Variants in DCLK1 observed in about 807,000 individuals in gnomAD.
DCLK1 encodes serine/threonine-protein kinase DCLK1.
A neutral mutation model predicts 86.2 loss-of-function variants in DCLK1; 16 were observed. The ratio of observed to expected loss-of-function variants is 0.19; its 90% confidence interval spans 0.13 to 0.28. The LOEUF (loss-of-function observed/expected upper bound fraction) is 0.28. Ranked by LOEUF, DCLK1 falls within the 10% of genes least tolerant of loss-of-function variation. DCLK1 has a pLI of 1.00. For synonymous variants in DCLK1, 369 were observed against 370.5 expected, an observed-to-expected ratio of 1.00 and a Z score of 0.05; for missense variants, 590 against 940.2, an observed-to-expected ratio of 0.63 and a Z score of 4.87.
intron 3 of DCLK1, among the ~76,000 whole-genome samples, chr13:36,041,431 A>C (rs80092955): frequency 0.033 from 5,003 of 152,282 alleles, 102 homozygotes; most frequent in African/African-American, 0.067. Flanking sequence ...TTTAAAATAC[A>C]GGACAATAAT....
At chr13:36,096,517 A>T (rs1184742269) in intron 3 of DCLK1, among the ~76,000 whole-genome samples, 17 of 152,214 alleles carry the variant, frequency 1.1e-4, no homozygotes, top group Admixed American at 1.1e-3. Context: ...CTTGAGAAGA[A>T]AGAAATAGGT....
intron 4 of DCLK1, among the ~76,000 whole-genome samples, chr13:35,879,694 G>A (rs1166773557): frequency 6.6e-6 from 1 of 152,154 alleles, no homozygotes; most frequent in Non-Finnish European, 1.5e-5. Context: ...AACCCCGGGG[G>A]AAAGCAGAAA....
At chr13:36,070,056 G>A (rs1032269827) in intron 3 of DCLK1, among the ~76,000 whole-genome samples, 1 of 152,016 alleles carries the variant, frequency 6.6e-6, no homozygotes, top group Non-Finnish European at 1.5e-5. Flanking sequence ...CTTGTGTTAT[G>A]AAAAATAAAA....
intron 3 of DCLK1, among the ~76,000 whole-genome samples, chr13:35,955,122 C>A (rs987646265): frequency 1.2e-4 from 18 of 152,096 alleles, no homozygotes; most frequent in South Asian, 8.3e-4. Context: ...GCATGGATCA[C>A]CATCTTTCAT....
chr13:35,817,844 A>G (rs1000741040), intron 11 of DCLK1, among the ~76,000 whole-genome samples: 14 of 152,226 alleles, frequency 9.2e-5, no homozygotes, highest in African/African-American at 3.1e-4. Flanking sequence ...GTCAACTAAT[A>G]GCCTTTTGAC....
At chr13:35,851,869 A>C (rs1870668105) in intron 6 of DCLK1, among the ~76,000 whole-genome samples, 1 of 152,226 alleles carries the variant, frequency 6.6e-6, no homozygotes, top group South Asian at 2.1e-4. Flanking sequence ...AATTAATATA[A>C]GTAAAAACTA....
rs34308436 is a variant in DCLK1 at position 35,896,034 on chromosome 13, C to T, written c.824-24694G>A. ...TTCTTAGAATAATACAAGTAAGGCG[C>T]TTTGTTTTGACATCATTATTCAGGA... On this transcript the variant is annotated intron_variant, in intron 4 of 16. Transcript: ENST00000360631. 1.7e-3 allele frequency among the ~76,000 whole-genome samples: 251 copies of T among 151,984 alleles called. 2 individuals carry two copies. The highest frequency in any genetic ancestry group is 5.6e-3 in the South Asian group (27 of 4,816).
intron 3 of DCLK1, 143 bp from the exon 4 acceptor site, chr13:35,947,600 G>A (rs1006227634): frequency 1.1e-5 from 6 of 554,020 alleles, no homozygotes; most frequent in Admixed American, 3.3e-5. Flanking sequence ...TTTCAAAAGA[G>A]GGGTTCGAGC....
At chr13:36,033,562 A>G (rs932428500) in intron 3 of DCLK1, among the ~76,000 whole-genome samples, 4 of 152,094 alleles carry the variant, frequency 2.6e-5, no homozygotes, top group African/African-American at 9.7e-5. Context: ...TACTTACCAT[A>G]TGGGACGGCT....
intron 3 of DCLK1, among the ~76,000 whole-genome samples, chr13:36,095,199 TGTTTTG>T (rs747459283): frequency 4.6e-5 from 7 of 151,628 alleles, no homozygotes; most frequent in Non-Finnish European, 8.8e-5. Flanking sequence ...TTTTTTGTTT[TGTTTTG>T]TTTTGTTTTG....
At chr13:36,089,673 A>G (rs913275828) in intron 3 of DCLK1, among the ~76,000 whole-genome samples, 5 of 152,098 alleles carry the variant, frequency 3.3e-5, no homozygotes, top group Non-Finnish European at 5.9e-5. Flanking sequence ...ACTTTCTCCA[A>G]CTTCCTTTTA....
intron 4 of DCLK1, among the ~76,000 whole-genome samples, chr13:35,933,429 G>T (rs1277182670): frequency 6.6e-6 from 1 of 152,164 alleles, no homozygotes; most frequent in East Asian, 1.9e-4. Context: ...CTTCTGCATT[G>T]CCCTAGCAGA....
intron 6 of DCLK1, chr13:35,848,959 T>C (rs550834444): frequency 3.0e-6 from 3 of 985,360 alleles, no homozygotes; most frequent in Non-Finnish European, 3.6e-6. Context: ...TGGTCATTTC[T>C]ATTGGAAACA....
At chr13:35,992,928 A>G (rs1480159275) in intron 3 of DCLK1, among the ~76,000 whole-genome samples, 2 of 152,114 alleles carry the variant, frequency 1.3e-5, no homozygotes, top group Non-Finnish European at 2.9e-5. Context: ...TCCAGTCTCT[A>G]ATCGATTATA....
rs76037429 is a variant in DCLK1 at position 36,127,102 on chromosome 13, G to A, written c.-19-946C>T. On this transcript the variant is annotated intron_variant, in intron 1 of 16. Transcript: ENST00000360631. ...GAAAGAGAGGGCAGGCAGCATAACA[G>A]TCAGATTGTAAAAGTTTTACATAAT... Among the ~76,000 whole-genome samples the A allele has an allele frequency of 1.7e-3, 258 of 152,332 alleles. 2 individuals carry two copies. Among genetic ancestry groups the A allele is most frequent in the East Asian group, 0.014 (72 of 5,176 alleles).
chr13:35,809,059 T>C lies in DCLK1; in HGVS notation c.1725A>G (p.Val575=), dbSNP rs2087090687. 6.2e-7 allele frequency: 1 copy of C among 1,612,594 alleles called. No individual in the cohort carries two copies. The highest frequency in any genetic ancestry group is 1.1e-5 in the South Asian group (1 of 90,888). Residue 575 remains valine (V), a synonymous_variant, in exon 13 of 17, where the codon GTA becomes GTG. Coordinates refer to ENST00000360631, the MANE Select transcript of DCLK1 (RefSeq NM_001330071.2). ...GLKVDIWAAG[V]ITYILLCGFP... Reference sequence around the variant, plus strand: ...AACCACACAGCAGGATATAAGTGATTACACCTGCTGCCCAGATGTCCACCT... The same window carrying C: ...AACCACACAGCAGGATATAAGTGATCACACCTGCTGCCCAGATGTCCACCT...
rs140145854 is a variant in DCLK1, at chr13:35,771,713, C to T, written c.*2822G>A. The T allele has an allele frequency of 1.3e-5, 2 of 152,102 alleles. No homozygotes were observed. Among genetic ancestry groups the T allele is most frequent in the East Asian group, 1.9e-4 (1 of 5,184 alleles). The allele number at this position is 152,102 out of a possible 1,614,324, so 9.4% of individuals were successfully genotyped here. A position where few individuals can be genotyped will look rare whatever the true frequency, so the allele number is the denominator to read the frequency against. ...AAAGACGGTCCCCATCACCAGGCCA[C>T]CACCATAAGAGAGCTATATTAAATA... On this transcript the variant is annotated 3_prime_UTR_variant, in exon 17 of 17. Transcript: ENST00000360631.
At chr13:35,916,786 A>G (rs1875440226) in intron 4 of DCLK1, among the ~76,000 whole-genome samples, 1 of 152,206 alleles carries the variant, frequency 6.6e-6, no homozygotes. Context: ...GGATTGTGAC[A>G]AGGTTCAGGA....
intron 3 of DCLK1, among the ~76,000 whole-genome samples, chr13:36,033,762 C>T (rs886384066): frequency 6.6e-6 from 1 of 152,114 alleles, no homozygotes; most frequent in Non-Finnish European, 1.5e-5. Context: ...CCCATCTCTA[C>T]TAAAAATACA....
Sources: allele counts gnomAD v4.1 joint callset (sites outside exome capture counted in the v4.1 genomes callset), GRCh38; gene constraint gnomAD v4.1.1; transcripts MANE v1.5; gene names NCBI Gene and HGNC (gene_info 2026-07-23, HGNC 2026-07-21).